SBF2: variants seen among roughly 807,000 people sequenced by gnomAD.
SBF2 encodes SET binding factor 2.
A neutral mutation model predicts 225.2 loss-of-function variants in SBF2; 112 were observed. The ratio of observed to expected loss-of-function variants is 0.50; its 90% CI spans 0.43 to 0.58. SBF2 has a LOEUF of 0.58. Among genes scored for constraint, SBF2 ranks in the 20% least tolerant of loss-of-function variants. SBF2 has a pLI of 0.00. For missense variants in SBF2, 1,996 were observed against 2,206.2 expected (o/e 0.90, Z 1.91); for synonymous variants, 763 against 773.3 (o/e 0.99, Z 0.22).
intron 6 of SBF2, among the ~76,000 whole-genome samples, chr11:10,018,723 T>C (rs16907375): frequency 0.052 from 7,976 of 152,300 alleles, 295 homozygotes; most frequent in Middle Eastern, 0.16. Flanking sequence ...GCAAGCATAG[T>C]ACACCAGTCA....
chr11:10,229,844 C>A (rs1281057789), intron 1 of SBF2, among the ~76,000 whole-genome samples: 2 of 152,154 alleles, frequency 1.3e-5, no homozygotes, highest in Non-Finnish European at 2.9e-5. Flanking sequence ...TGGTGCAGAG[C>A]TGAGTTCAAG....
At chr11:9,929,662 G>C (rs1034130888) in intron 16 of SBF2, among the ~76,000 whole-genome samples, 1 of 152,134 alleles carries the variant, frequency 6.6e-6, no homozygotes, top group South Asian at 2.1e-4. Context: ...CACAACCAAT[G>C]CTTCAAAAGT....
At chr11:10,187,344 T>A (rs1218028327) in intron 2 of SBF2, among the ~76,000 whole-genome samples, 1 of 151,562 alleles carries the variant, frequency 6.6e-6, no homozygotes, top group Admixed American at 6.6e-5. Flanking sequence ...CCTCTCCACC[T>A]GCCTCAGAAC....
chr11:10,146,158 T>G (rs117387905), intron 2 of SBF2, among the ~76,000 whole-genome samples: 2,154 of 152,186 alleles, frequency 0.014, 28 homozygotes, highest in Non-Finnish European at 0.022. Context: ...CCAAAGAAAT[T>G]TATAGATTTA....
chr11:9,793,650 C>T (rs999986733), intron 33 of SBF2, among the ~76,000 whole-genome samples: 7 of 151,724 alleles, frequency 4.6e-5, no homozygotes, highest in African/African-American at 7.3e-5. Context: ...TTGGCCTCCT[C>T]AAAGTGCTGG....
chr11:9,992,613 C>CAAAACAGA, intron 11 of SBF2, 70 bp from the exon 12 acceptor site: 2 of 1,445,800 alleles, frequency 1.4e-6, no homozygotes, highest in Non-Finnish European at 1.9e-6. Context: ...AACAGAAATA[C>CAAAACAGA]AATAAAAAGA....
chr11:10,203,898 T>G (rs1957656787), intron 1 of SBF2, among the ~76,000 whole-genome samples: 1 of 151,958 alleles, frequency 6.6e-6, no homozygotes, highest in African/African-American at 2.4e-5. Flanking sequence ...TGGCCTAATA[T>G]GCATGTAACA....
chr11:10,260,240 T>C (rs947578781), intron 1 of SBF2, among the ~76,000 whole-genome samples: 15 of 152,370 alleles, frequency 9.8e-5, no homozygotes, highest in African/African-American at 3.6e-4. Context: ...ATTACTCATC[T>C]TTCATAAGTA....
At chr11:9,986,590 A>C (rs1051884998) in intron 13 of SBF2, among the ~76,000 whole-genome samples, 2 of 152,190 alleles carry the variant, frequency 1.3e-5, no homozygotes, top group African/African-American at 4.8e-5. Context: ...CTAAGAAATG[A>C]AACTGGAGAT....
chr11:10,127,706 C>T (rs901422841), intron 2 of SBF2, among the ~76,000 whole-genome samples: 1 of 152,086 alleles, frequency 6.6e-6, no homozygotes, highest in African/African-American at 2.4e-5. Context: ...TGGAATAAGA[C>T]CGAAAGCACC....
chr11:10,294,274 C>G (rs984060811), upstream of SBF2: 59 of 382,728 alleles, frequency 1.5e-4, no homozygotes, highest in Non-Finnish European at 2.5e-4. Flanking sequence ...CGCGCTGGCT[C>G]GGCTGCCCCA....
chr11:10,070,597 C>A (rs1005870032), intron 2 of SBF2, among the ~76,000 whole-genome samples: 1 of 152,194 alleles, frequency 6.6e-6, no homozygotes, highest in Non-Finnish European at 1.5e-5. Context: ...TAGCATGATG[C>A]CTCCAGCTTT....
At chr11:9,788,534 G>A (rs1231024775) in intron 35 of SBF2, among the ~76,000 whole-genome samples, 1 of 152,028 alleles carries the variant, frequency 6.6e-6, no homozygotes, top group Non-Finnish European at 1.5e-5. Flanking sequence ...GAAGCTGCTG[G>A]AAGGAGTAAA....
chr11:9,999,479 C>T (rs1055343465), intron 8 of SBF2, among the ~76,000 whole-genome samples: 2 of 152,126 alleles, frequency 1.3e-5, no homozygotes, highest in Non-Finnish European at 1.5e-5. Context: ...CACCACCACA[C>T]CCAGCTAATT....
intron 1 of SBF2, among the ~76,000 whole-genome samples, chr11:10,237,316 C>A (rs1959111500): frequency 6.6e-6 from 1 of 152,144 alleles, no homozygotes. Flanking sequence ...CACTGCACTC[C>A]AGCCTGAGCA....
intron 2 of SBF2, among the ~76,000 whole-genome samples, chr11:10,193,447 C>T (rs1019249759): frequency 7.3e-5 from 11 of 151,172 alleles, no homozygotes; most frequent in East Asian, 1.9e-4. Flanking sequence ...CTCCGCCTCC[C>T]GGGTTCATGC....
At chr11:10,151,281 A>T (rs1397222338) in intron 2 of SBF2, among the ~76,000 whole-genome samples, 1 of 152,210 alleles carries the variant, frequency 6.6e-6, no homozygotes, top group Non-Finnish European at 1.5e-5. Flanking sequence ...TCGCTCAGCC[A>T]TCTGGATCCA....
rs553669324 is a variant in SBF2 at position 9,845,686 on chromosome 11, T to C, written c.2989A>G (p.Lys997Glu). The part of the protein sequence containing the change: ...EVSPEVVEIF[K>E]KQLMKFRYPQ... ...TAACGGAACTTCATCAGCTGTTTCT[T>C]AAAGATCTCTACTACTTCTGGACTG... The change falls in exon 24 of 40, where the codon AAG (lysine) becomes GAG (glutamate). Residue 997 changes from lysine to glutamate, a missense_variant. Transcript: ENST00000256190. 6.2e-6 allele frequency: 10 copies of C among 1,613,936 alleles called. No homozygotes were observed. In the African/African-American group the frequency reaches 1.3e-4, roughly 22 times the overall value.
chr11:10,196,992 A>G (rs560837863), intron 1 of SBF2, among the ~76,000 whole-genome samples: 2 of 151,702 alleles, frequency 1.3e-5, no homozygotes, highest in African/African-American at 4.8e-5. Context: ...CACTATTATA[A>G]ATAATACTAC....
Sources: gnomAD v4.1 joint callset for allele counts (sites outside exome capture counted in the v4.1 genomes callset) on GRCh38, gnomAD v4.1.1 for gene constraint, MANE v1.5 for transcripts, NCBI Gene and HGNC (gene_info 2026-07-23, HGNC 2026-07-21) for gene names.